The following MRPS27 variants were observed in gnomAD, a reference collection of about 807,000 sequenced individuals.
The protein encoded by MRPS27 is mitochondrial ribosomal protein S27, also known as small ribosomal subunit protein mS27.
In MRPS27, 43 loss-of-function variants were observed where a neutral mutation model predicts 48.9. The ratio of observed to expected loss-of-function variants is 0.88; its 90% CI spans 0.69 to 1.13. The LOEUF (loss-of-function observed/expected upper bound fraction) is 1.13, where lower values mean the gene tolerates loss of function less well. MRPS27 is among the 50% of genes most tolerant of loss of function. The probability of loss-of-function intolerance (pLI) is 0.00; values close to 1 mark genes in which losing one functional copy is unlikely to be tolerated. For missense variants in MRPS27, 467 were observed against 476.3 expected (o/e 0.98, Z 0.18); for synonymous variants, 188 against 171.9 (o/e 1.09, Z -0.73).
Position 72,220,902 on chromosome 5 carries a change from G to T in MRPS27, c.*7C>A. ...TTGTGAGACAGGTGGGGCCCTGGGG[G>T]ACCCTATTAGGCAGATGCCTTTGCT... On this transcript the variant is annotated 3_prime_UTR_variant, in exon 11 of 11. Transcript: ENST00000261413. 6.2e-7 allele frequency: 1 copy of T among 1,613,920 alleles called. No individual in the cohort carries two copies. The highest frequency in any genetic ancestry group is 8.5e-7 in the Non-Finnish European group (1 of 1,179,900).
At chr5:72,228,244 T>C (rs751406350) in intron 8 of MRPS27, 22 bp downstream of exon 8, 4 of 1,530,064 alleles carry the variant, frequency 2.6e-6, no homozygotes, top group Non-Finnish European at 3.6e-6. Context: ...AGAACAGTAT[T>C]TGTAAGGATC....
At chr5:72,225,870 T>C (rs560886965) in intron 9 of MRPS27, among the ~76,000 whole-genome samples, 187 bp downstream of exon 9, 1 of 152,150 alleles carries the variant, frequency 6.6e-6, no homozygotes, top group East Asian at 1.9e-4. Flanking sequence ...GTTAATCATA[T>C]TTTCTAGTGC....
chr5:72,251,425 A>C (rs889993118), intron 4 of MRPS27, among the ~76,000 whole-genome samples: 1 of 152,160 alleles, frequency 6.6e-6, no homozygotes, highest in African/African-American at 2.4e-5. Flanking sequence ...TGACAGAAAA[A>C]GGTCTAGGAA....
At chr5:72,244,027 C>T (rs1468276568) in intron 4 of MRPS27, among the ~76,000 whole-genome samples, 13 of 152,008 alleles carry the variant, frequency 8.6e-5, no homozygotes, top group Admixed American at 8.5e-4. Context: ...AGAGGAAAAG[C>T]AAATAAGATA....
At chr5:72,284,462 CTG>C (rs573093903) in intron 4 of MRPS27, among the ~76,000 whole-genome samples, 4 of 149,664 alleles carry the variant, frequency 2.7e-5, no homozygotes, top group African/African-American at 4.9e-5. Context: ...TAATTTCCTT[CTG>C]TGTGTGTGTG....
intron 1 of MRPS27, among the ~76,000 whole-genome samples, chr5:72,316,420 T>C (rs909216279): frequency 2.0e-5 from 3 of 152,176 alleles, no homozygotes; most frequent in African/African-American, 7.2e-5. Flanking sequence ...CAGGCTGGAG[T>C]GCAATGGTGT....
At chr5:72,222,492 G>T (rs1747774955) in intron 10 of MRPS27, 1 of 152,132 alleles carries the variant, frequency 6.6e-6, no homozygotes, top group South Asian at 2.1e-4. Context: ...GAGGAATGAG[G>T]GCTGAGAACT....
chr5:72,300,994 A>G (rs1325299922), intron 2 of MRPS27, among the ~76,000 whole-genome samples: 4 of 152,256 alleles, frequency 2.6e-5, no homozygotes, highest in Non-Finnish European at 4.4e-5. Context: ...TCAAAGGAAG[A>G]AAAGGAAGAA....
intron 5 of MRPS27, among the ~76,000 whole-genome samples, chr5:72,235,548 T>A (rs1362219257): frequency 6.6e-6 from 1 of 152,148 alleles, no homozygotes; most frequent in Non-Finnish European, 1.5e-5. Flanking sequence ...TTGTAATAAA[T>A]GTACCACACT....
In MRPS27 at chr5:72,227,570, G is replaced by A. The variant is rs562831706; in HGVS notation, c.694+696C>T. On this transcript the variant is annotated intron_variant, in intron 8 of 10. Coordinates refer to ENST00000261413, the MANE Select transcript of MRPS27 (RefSeq NM_015084.3). ...ATGCCTAACTACTTAAGAGACGATGGGAGAGTAATGAAATAACATAAATTT... is the reference window on the plus strand; with the variant it reads ...ATGCCTAACTACTTAAGAGACGATGAGAGAGTAATGAAATAACATAAATTT... 3 of 152,256 alleles carry A rather than the reference G, an allele frequency of 2.0e-5. No homozygotes were observed. The South Asian group carries it at 6.2e-4, about 32-fold the overall frequency. The allele number at this position is 152,256 out of a possible 1,614,324, so 9.4% of individuals were successfully genotyped here. A position where few individuals can be genotyped will look rare whatever the true frequency, so the allele number is the denominator to read the frequency against.
chr5:72,235,752 G>A (rs954717579), intron 5 of MRPS27, among the ~76,000 whole-genome samples: 1 of 152,158 alleles, frequency 6.6e-6, no homozygotes, highest in Non-Finnish European at 1.5e-5. Context: ...ATTGCCTGAT[G>A]GCAGCACATA....
intron 2 of MRPS27, among the ~76,000 whole-genome samples, chr5:72,312,375 T>C (rs989258211): frequency 5.3e-5 from 8 of 152,164 alleles, no homozygotes; most frequent in African/African-American, 1.4e-4. Flanking sequence ...TTGTTCATTC[T>C]ATAAATAAAA....
At chr5:72,250,276 G>A (rs1050144755) in intron 4 of MRPS27, among the ~76,000 whole-genome samples, 1 of 152,128 alleles carries the variant, frequency 6.6e-6, no homozygotes, top group African/African-American at 2.4e-5. Flanking sequence ...TCACTTTCTA[G>A]AACAAGAAAG....
intron 4 of MRPS27, among the ~76,000 whole-genome samples, chr5:72,288,530 T>A (rs911159378): frequency 1.3e-5 from 2 of 152,206 alleles, no homozygotes; most frequent in South Asian, 4.1e-4. Context: ...AGAATTCTAA[T>A]CCTTATCACA....
At chr5:72,276,570 C>T (rs980662545) in intron 4 of MRPS27, among the ~76,000 whole-genome samples, 3 of 152,082 alleles carry the variant, frequency 2.0e-5, no homozygotes, top group Non-Finnish European at 4.4e-5. Flanking sequence ...CAAATGGGAT[C>T]TAATTAAACT....
chr5:72,307,048 A>G (rs906369405), intron 2 of MRPS27, among the ~76,000 whole-genome samples: 1 of 152,270 alleles, frequency 6.6e-6, no homozygotes, highest in South Asian at 2.1e-4. Flanking sequence ...AAAAAAAAAA[A>G]TTTGAGAGTA....
intron 4 of MRPS27, among the ~76,000 whole-genome samples, chr5:72,274,226 C>T (rs1226441484): frequency 1.3e-5 from 2 of 152,128 alleles, no homozygotes; most frequent in Admixed American, 6.5e-5. Flanking sequence ...TGGTGGCTCA[C>T]GCCTATAATC....
intron 4 of MRPS27, among the ~76,000 whole-genome samples, chr5:72,272,591 T>C (rs866732918): frequency 6.6e-6 from 1 of 152,216 alleles, no homozygotes; most frequent in Non-Finnish European, 1.5e-5. Flanking sequence ...GCAGAGGAAT[T>C]CTGCAAATTT....
chr5:72,231,946 T>A (rs959187364), intron 7 of MRPS27, among the ~76,000 whole-genome samples: 2 of 152,186 alleles, frequency 1.3e-5, no homozygotes, highest in African/African-American at 2.4e-5. Flanking sequence ...AAAATATCAG[T>A]TATTGCTATT....
Sources: allele counts gnomAD v4.1 joint callset (sites outside exome capture counted in the v4.1 genomes callset), GRCh38; gene constraint gnomAD v4.1.1; transcripts MANE v1.5; gene names NCBI Gene and HGNC (gene_info 2026-07-23, HGNC 2026-07-21).